The following CTNNBL1 variants were observed in gnomAD, a reference collection of about 807,000 sequenced individuals.
The protein encoded by CTNNBL1 is beta-catenin-like protein 1.
Under a neutral mutation model 72.7 loss-of-function variants are expected in CTNNBL1, and 31 were observed. The observed-to-expected ratio is 0.43, with a 90% CI of 0.32 to 0.58. CTNNBL1 has a LOEUF of 0.58. Ranked by LOEUF, CTNNBL1 falls within the 20% of genes least tolerant of loss-of-function variation. The probability of loss-of-function intolerance (pLI) is 0.08; values close to 1 mark genes in which losing one functional copy is unlikely to be tolerated. For missense variants in CTNNBL1, 534 were observed against 725.1 expected (o/e 0.74, Z 3.03); for synonymous variants, 240 against 267.3 (o/e 0.90, Z 1.00).
intron 1 of CTNNBL1, among the ~76,000 whole-genome samples, chr20:37,718,656 T>C (rs2073015013): frequency 6.6e-6 from 1 of 152,128 alleles, no homozygotes; most frequent in African/African-American, 2.4e-5. Flanking sequence ...CCCCACCTCA[T>C]GAGGGAGGAA....
At chr20:37,782,465 C>G (rs539275002) in intron 10 of CTNNBL1, among the ~76,000 whole-genome samples, 2 of 152,054 alleles carry the variant, frequency 1.3e-5, no homozygotes, top group African/African-American at 4.8e-5. Context: ...GTAAAATGTA[C>G]GCATTTTAAG....
chr20:37,868,679 C>T (rs910575654), intron 15 of CTNNBL1, among the ~76,000 whole-genome samples: 6 of 152,130 alleles, frequency 3.9e-5, no homozygotes, highest in African/African-American at 1.2e-4. Flanking sequence ...TGTGTACCGT[C>T]GGCATATGTA....
intron 1 of CTNNBL1, among the ~76,000 whole-genome samples, chr20:37,717,676 A>G (rs1358152941): frequency 6.6e-6 from 1 of 150,844 alleles, no homozygotes; most frequent in East Asian, 1.9e-4. Flanking sequence ...GCAGGGTCAT[A>G]GGACAATAGT....
Position 37,757,848 on chromosome 20 carries a change from A to G in CTNNBL1, c.564+192A>G, listed in dbSNP as rs576280970. 1.5e-3 allele frequency among the ~76,000 whole-genome samples: 225 copies of G among 152,324 alleles called. 1 individual carries two copies. The highest frequency in any genetic ancestry group is 6.8e-3 in the Middle Eastern group (2 of 294). ...GTGCTTTATGCTTTGGGACTGTGTC[A>G]GGTAGAGGCCTCGCCCTTATTAAGT... On this transcript the variant is annotated intron_variant, in intron 5 of 15. Transcript: ENST00000361383.
intron 13 of CTNNBL1, among the ~76,000 whole-genome samples, chr20:37,846,634 C>A (rs1354597277): frequency 6.6e-6 from 1 of 152,130 alleles, no homozygotes; most frequent in Non-Finnish European, 1.5e-5. Flanking sequence ...GCCCCGCCCC[C>A]GCACATGTGT....
chr20:37,816,276 A>G (rs2072058191), intron 11 of CTNNBL1, among the ~76,000 whole-genome samples: 1 of 152,172 alleles, frequency 6.6e-6, no homozygotes, highest in Non-Finnish European at 1.5e-5. Flanking sequence ...GTAGGTCACC[A>G]CTACGGATGG....
intron 10 of CTNNBL1, among the ~76,000 whole-genome samples, chr20:37,784,675 A>T (rs1319719872): frequency 6.6e-6 from 1 of 152,194 alleles, no homozygotes; most frequent in Non-Finnish European, 1.5e-5. Flanking sequence ...GTTTCTGTTT[A>T]TATCTTATTA....
chr20:37,825,908 G>A (rs981325529), intron 11 of CTNNBL1, among the ~76,000 whole-genome samples: 1 of 152,214 alleles, frequency 6.6e-6, no homozygotes, highest in African/African-American at 2.4e-5. Context: ...CACTGACAAA[G>A]CCTGTTGTAG....
chr20:37,743,418 C>A (rs561980504), intron 3 of CTNNBL1, among the ~76,000 whole-genome samples: 6 of 151,928 alleles, frequency 3.9e-5, no homozygotes, highest in African/African-American at 1.4e-4. Context: ...AAAAAATAAT[C>A]TATTTGCAAG....
At chr20:37,869,500 G>A (rs1164180579) in intron 15 of CTNNBL1, among the ~76,000 whole-genome samples, 4 of 152,364 alleles carry the variant, frequency 2.6e-5, no homozygotes, top group Admixed American at 6.5e-5. Context: ...CACTCTGCTG[G>A]GGGGCCCTCG....
At chr20:37,706,137 T>C (rs2072882606) in intron 1 of CTNNBL1, among the ~76,000 whole-genome samples, 1 of 152,230 alleles carries the variant, frequency 6.6e-6, no homozygotes, top group African/African-American at 2.4e-5. Flanking sequence ...TTCAGCAAGT[T>C]ATCTTTTTGC....
intron 15 of CTNNBL1, among the ~76,000 whole-genome samples, chr20:37,869,093 T>C (rs567203949): frequency 1.7e-3 from 257 of 152,290 alleles, no homozygotes; most frequent in African/African-American, 6.0e-3. Flanking sequence ...ATAGGAGGCA[T>C]CACAACCACT....
At chr20:37,810,296 G>A (rs1437854083) in intron 11 of CTNNBL1, among the ~76,000 whole-genome samples, 4 of 152,196 alleles carry the variant, frequency 2.6e-5, no homozygotes, top group Non-Finnish European at 4.4e-5. Context: ...GGAAGAGATC[G>A]TGTGCAGAGA....
intron 11 of CTNNBL1, among the ~76,000 whole-genome samples, chr20:37,837,753 A>G (rs375445726): frequency 6.6e-6 from 1 of 152,210 alleles, no homozygotes; most frequent in Admixed American, 6.5e-5. Flanking sequence ...GAAAACTTTT[A>G]TATCGATAGC....
intron 15 of CTNNBL1, among the ~76,000 whole-genome samples, chr20:37,863,119 G>A (rs764861649): frequency 6.6e-5 from 10 of 152,296 alleles, no homozygotes; most frequent in Middle Eastern, 3.4e-3. Context: ...TGAATTTAAC[G>A]TAGCAAACAT....
intron 11 of CTNNBL1, among the ~76,000 whole-genome samples, chr20:37,817,720 T>G (rs992723401): frequency 6.6e-6 from 1 of 152,222 alleles, no homozygotes; most frequent in African/African-American, 2.4e-5. Flanking sequence ...ATTGTGTATT[T>G]CTAACCAGCC....
chr20:37,846,977 C>T (rs1304894292), intron 13 of CTNNBL1, among the ~76,000 whole-genome samples: 2 of 152,170 alleles, frequency 1.3e-5, no homozygotes, highest in Non-Finnish European at 2.9e-5. Context: ...CTCAGGACAG[C>T]GTGCCTCACA....
intron 1 of CTNNBL1, among the ~76,000 whole-genome samples, chr20:37,713,846 A>C (rs1191018618): frequency 6.6e-6 from 1 of 152,164 alleles, no homozygotes; most frequent in Non-Finnish European, 1.5e-5. Context: ...AGGGCTGAGG[A>C]CTACTCGGTA....
At chr20:37,809,819 G>A (rs1157637911) in intron 11 of CTNNBL1, among the ~76,000 whole-genome samples, 1 of 152,156 alleles carries the variant, frequency 6.6e-6, no homozygotes, top group African/African-American at 2.4e-5. Context: ...ATAGTGCTTG[G>A]TGCATGGTAG....
Sources: gnomAD v4.1 joint callset for allele counts (sites outside exome capture counted in the v4.1 genomes callset) on GRCh38, gnomAD v4.1.1 for gene constraint, MANE v1.5 for transcripts, NCBI Gene and HGNC (gene_info 2026-07-23, HGNC 2026-07-21) for gene names.